Variants in PPEF1 observed in about 807,000 individuals in gnomAD.
The protein encoded by PPEF1 is serine/threonine-protein phosphatase with EF-hands 1.
PPEF1 carries 12 observed loss-of-function variants against 53.3 expected under a neutral mutation model. The ratio of observed to expected loss-of-function variants is 0.23; its 90% CI spans 0.14 to 0.36. The LOEUF is 0.36. Among genes scored for constraint, PPEF1 ranks in the 10% least tolerant of loss-of-function variants. The pLI is 1.00. For missense variants in PPEF1, 334 were observed against 490.4 expected (o/e 0.68, Z 3.01); for synonymous variants, 165 against 176.7 (o/e 0.93, Z 0.52).
chrX:18,809,093 A>ATCTATCTATCTGTCTG lies in PPEF1; in HGVS notation c.1394+2559_1394+2560insGTCTGTCTATCTATCT, dbSNP rs1431015644. 1.9e-3 allele frequency among the ~76,000 whole-genome samples: 67 copies of ATCTATCTATCTGTCTG among 34,412 alleles called. 1 individual carries two copies. The highest frequency in any genetic ancestry group is 7.9e-3 in the African/African-American group (67 of 8,444). 29.9% of individuals were successfully genotyped at this position (34,412 alleles called of 115,157 possible). A position where few individuals can be genotyped will look rare whatever the true frequency, so the allele number is the denominator to read the frequency against. On this transcript the variant is annotated intron_variant, in intron 12 of 15. Coordinates refer to ENST00000470157, the MANE Select transcript of PPEF1 (RefSeq NM_001377996.1). ...TATATATATAGATATATCACATTAT[A>ATCTATCTATCTGTCTG]TCTATCTATCTATCTATCTATCTAT...
chrX:18,749,888 G>A lies in PPEF1; in HGVS notation c.332G>A (p.Arg111Gln), dbSNP rs1404201592. 4.2e-6 allele frequency: 5 copies of A among 1,200,720 alleles called. No homozygotes were observed. Among genetic ancestry groups the A allele is most frequent in the East Asian group, 3.0e-5 (1 of 33,610 alleles). Reference protein sequence around the residue: ...IDVPDSYNGPRLQFPLTCTDI... With the variant: ...IDVPDSYNGPQLQFPLTCTDI... ...GTCCCAGACTCCTATAATGGTCCTCGGCTACAATTTCCTCTCACTTGTACG... is the reference window on the plus strand; with the variant it reads ...GTCCCAGACTCCTATAATGGTCCTCAGCTACAATTTCCTCTCACTTGTACG... Residue 111 changes from arginine (R) to glutamine (Q), a missense_variant, in exon 4 of 16, where the codon CGG (arginine) becomes CAG (glutamine). Physicochemically the swap from Arg to Gln is conservative, Grantham distance 43 (BLOSUM62 1). Transcript: ENST00000470157.
intron 11 of PPEF1, among the ~76,000 whole-genome samples, chrX:18,805,112 G>A (rs1165829185): frequency 2.8e-5 from 3 of 108,699 alleles, no homozygotes; most frequent in African/African-American, 1.0e-4. Context: ...TCATGCTCCC[G>A]AGAAGCTGGG....
Position 18,820,598 on chromosome X carries a change from A to G in PPEF1, c.1501+2453A>G, listed in dbSNP as rs148113534. On this transcript the variant is annotated intron_variant, in intron 13 of 15. Transcript: ENST00000470157. ...GGTGGGGTTTCACTGTGTTAGCCAG[A>G]ATGGTGTTGGTCTCCTGACCTCGTG... 9.8e-3 allele frequency among the ~76,000 whole-genome samples: 1,087 copies of G among 110,435 alleles called. 19 individuals carry two copies. The highest frequency in any genetic ancestry group is 0.034 in the African/African-American group (1,028 of 30,365).
chrX:18,740,636 C>T (rs1253336184), intron 3 of PPEF1, among the ~76,000 whole-genome samples: 4 of 110,449 alleles, frequency 3.6e-5, no homozygotes, highest in African/African-American at 1.3e-4. Context: ...GTCTTGAACC[C>T]CTGACCTCGT....
upstream of PPEF1, among the ~76,000 whole-genome samples, chrX:18,703,970 C>A (rs1602358588): frequency 1.0e-5 from 1 of 99,495 alleles, no homozygotes; most frequent in African/African-American, 3.8e-5. Flanking sequence ...GTCACCCAGG[C>A]TGGAGTGCAG....
intron 12 of PPEF1, among the ~76,000 whole-genome samples, chrX:18,808,250 C>T (rs1289702986): frequency 9.1e-6 from 1 of 110,151 alleles, no homozygotes; most frequent in Non-Finnish European, 1.9e-5. Flanking sequence ...CAGTAGTGAG[C>T]CACCACGCCC....
intron 1 of PPEF1, among the ~76,000 whole-genome samples, chrX:18,713,547 A>G (rs1313485837): frequency 3.6e-5 from 4 of 109,593 alleles, no homozygotes; most frequent in African/African-American, 1.3e-4. Flanking sequence ...GGATATGCCA[A>G]TCAAGGTTTA....
chrX:18,767,481 G>T lies in PPEF1; in HGVS notation c.558+5905G>T, dbSNP rs186659752. 8.0e-3 allele frequency among the ~76,000 whole-genome samples: 895 copies of T among 112,001 alleles called. 14 individuals are homozygous for T. Among genetic ancestry groups the T allele is most frequent in the African/African-American group, 0.028 (850 of 30,816 alleles). ...AATTGCTTGAACCCGGGATGCAGAG[G>T]TTGCAGTGAGCCGAGATCGTGCCAC... On this transcript the variant is annotated intron_variant, in intron 6 of 15. Coordinates refer to ENST00000470157, the MANE Select transcript of PPEF1 (RefSeq NM_001377996.1).
At chrX:18,730,339 A>T in intron 2 of PPEF1, 31 bp downstream of exon 2, 1 of 1,192,866 alleles carries the variant, frequency 8.4e-7, no homozygotes, top group South Asian at 1.8e-5. Flanking sequence ...TCTTCTTTTG[A>T]TAAAATGATT....
intron 5 of PPEF1, among the ~76,000 whole-genome samples, chrX:18,699,420 C>T (rs2147260641): frequency 9.0e-6 from 1 of 111,697 alleles, no homozygotes; most frequent in African/African-American, 3.2e-5. Flanking sequence ...TTTTAGCTGG[C>T]AAAGCCTAAG....
At chrX:18,766,492 C>G (rs765777493) in intron 6 of PPEF1, among the ~76,000 whole-genome samples, 5 of 111,696 alleles carry the variant, frequency 4.5e-5, no homozygotes, top group Admixed American at 9.6e-5. Context: ...CTTTACTTAC[C>G]TTCACTTACC....
At chrX:18,771,439 G>T (rs1419843270) in intron 6 of PPEF1, among the ~76,000 whole-genome samples, 1 of 111,508 alleles carries the variant, frequency 9.0e-6, no homozygotes, top group African/African-American at 3.3e-5. Context: ...TACTTATTAA[G>T]ATGATAATTT....
intron 4 of PPEF1, chrX:18,697,769 T>C (rs1372380922): frequency 9.0e-6 from 1 of 111,384 alleles, no homozygotes; most frequent in African/African-American, 3.3e-5. Context: ...TAGCACCTGC[T>C]ACATAGGAGG....
chrX:18,814,237 C>G (rs1019350910), intron 12 of PPEF1, among the ~76,000 whole-genome samples: 1 of 111,825 alleles, frequency 8.9e-6, no homozygotes, highest in Non-Finnish European at 1.9e-5. Flanking sequence ...ATTATCCAAT[C>G]CACCATTGAT....
intron 15 of PPEF1, 64 bp from the exon 16 acceptor site, chrX:18,827,212 C>A: frequency 9.8e-7 from 1 of 1,015,884 alleles, no homozygotes; most frequent in Non-Finnish European, 1.4e-6. Context: ...GTGTGGGTTC[C>A]CCAACCCTTG....
chrX:18,708,955 TAA>T (rs1425662011), intron 1 of PPEF1, among the ~76,000 whole-genome samples: 7 of 103,616 alleles, frequency 6.8e-5, no homozygotes, highest in Admixed American at 1.0e-4. Flanking sequence ...TTTCCTAGGT[TAA>T]AAAAAAAAAA....
intron 1 of PPEF1, among the ~76,000 whole-genome samples, chrX:18,718,124 C>T: frequency 8.9e-6 from 1 of 111,982 alleles, no homozygotes; most frequent in East Asian, 2.8e-4. Flanking sequence ...AAAACAAACC[C>T]ATCCCAACAA....
chrX:18,743,446 C>CTTTTTTTTTTTTTTTTTTTTTTTTTTTT (rs72264344), intron 3 of PPEF1, among the ~76,000 whole-genome samples: 9 of 59,326 alleles, frequency 1.5e-4, no homozygotes, highest in African/African-American at 4.3e-4. Flanking sequence ...TTCTCTTTTT[C>CTTTTTTTTTTTTTTTTTTTTTTTTTTTT]TTTTTTTTTT....
At chrX:18,772,136 A>T (rs1185607266) in intron 6 of PPEF1, among the ~76,000 whole-genome samples, 1 of 111,646 alleles carries the variant, frequency 9.0e-6, no homozygotes, top group African/African-American at 3.3e-5. Flanking sequence ...GCGACAGGGC[A>T]AGACTCTCTC....
Sources: allele counts gnomAD v4.1 joint callset (sites outside exome capture counted in the v4.1 genomes callset), GRCh38; gene constraint gnomAD v4.1.1; transcripts MANE v1.5; gene names NCBI Gene and HGNC (gene_info 2026-07-23, HGNC 2026-07-21).